The following HOXB4 variants were observed in gnomAD, a reference collection of about 807,000 sequenced individuals.
The protein encoded by HOXB4 is homeobox protein Hox-B4.
A neutral mutation model predicts 20.0 loss-of-function variants in HOXB4; 13 were observed. That is an observed-to-expected ratio of 0.65 (90% CI 0.42 to 1.03). The LOEUF (loss-of-function observed/expected upper bound fraction) is 1.03, where lower values mean the gene tolerates loss of function less well. Ranked by LOEUF, HOXB4 falls within the 50% of genes least tolerant of loss-of-function variation. HOXB4 has a pLI of 0.00. For missense variants in HOXB4, 343 were observed against 357.1 expected, an observed-to-expected ratio of 0.96 and a Z score of 0.32; for synonymous variants, 173 against 148.9, an observed-to-expected ratio of 1.16 and a Z score of -1.18.
In HOXB4 at chr17:48,577,015, G is replaced by C; in HGVS notation, c.463C>G (p.Pro155Ala). The change falls in exon 2 of 2, where the codon CCC becomes GCC. Residue 155 changes from proline (P) to alanine (A), a missense_variant. Coordinates refer to ENST00000332503, the MANE Select transcript of HOXB4 (RefSeq NM_024015.5). ...TTGGGCTCCCCGCCGGCGTAATTGGGGTTTACTGGACACACACGGAGAGAG... is the reference window on the plus strand; with the variant it reads ...TTGGGCTCCCCGCCGGCGTAATTGGCGTTTACTGGACACACACGGAGAGAG... Reference protein sequence around the residue: ...MRKVHVSTVNPNYAGGEPKRS... With the variant: ...MRKVHVSTVNANYAGGEPKRS... 6.2e-7 allele frequency: 1 copy of C among 1,601,196 alleles called. No homozygotes were observed. Among genetic ancestry groups the C allele is most frequent in the Non-Finnish European group, 8.5e-7 (1 of 1,172,672 alleles).
intron 1 of HOXB4, among the ~76,000 whole-genome samples, chr17:48,577,627 G>C (rs1052549077): frequency 6.6e-6 from 1 of 152,204 alleles, no homozygotes; most frequent in Admixed American, 6.5e-5. Flanking sequence ...TGGTGAGAAT[G>C]GTGAAGAGGA....
Position 48,578,113 on chromosome 17 carries a change from C to T in HOXB4, c.207G>A (p.Arg69=), listed in dbSNP as rs557616925. The part of the protein sequence containing the change: ...ACTVQRYAAC[R]DPGPPPPPPP... ...GCGGAGGCGGCGGGGGCCCAGGGTC[C>T]CGGCAGGCCGCGTAGCGCTGCACGG... The change falls in exon 1 of 2, where the codon CGG becomes CGA. Residue 69 remains arginine, a synonymous_variant. Coordinates refer to ENST00000332503, the MANE Select transcript of HOXB4 (RefSeq NM_024015.5). The T allele has an allele frequency of 2.4e-5, 32 of 1,314,656 alleles. No individual in the cohort carries two copies. In the East Asian group the frequency reaches 8.7e-4, roughly 36 times the overall value. 81.4% of individuals were successfully genotyped at this position (1,314,656 alleles called of 1,614,324 possible).
rs1232181020 is a variant in HOXB4 at position 48,576,717 on chromosome 17, G to A, written c.*5C>T. 1.9e-6 allele frequency: 3 copies of A among 1,593,178 alleles called. No homozygotes were observed. The highest frequency in any genetic ancestry group is 1.3e-5 in the African/African-American group (1 of 74,256). On this transcript the variant is annotated 3_prime_UTR_variant, in exon 2 of 2. Coordinates refer to ENST00000332503, the MANE Select transcript of HOXB4 (RefSeq NM_024015.5). ...CGAGGTTCGTGGCTCCCGCGTGCGG[G>A]GGCACTAGAGCGCGCGGGGGCCTCC...
At chr17:48,577,100 G>A in intron 1 of HOXB4, 80 bp from the exon 2 acceptor site, 6 of 1,369,342 alleles carry the variant, frequency 4.4e-6, no homozygotes, top group Non-Finnish European at 5.9e-6. Flanking sequence ...AGGGAACACA[G>A]CGTTTCCCTC....
chr17:48,576,839 C>T lies in HOXB4; in HGVS notation c.639G>A (p.Arg213=), dbSNP rs2069780761. Residue 213 remains arginine, a synonymous_variant, in exon 2 of 2, where the codon CGG becomes CGA. Coordinates refer to ENST00000332503, the MANE Select transcript of HOXB4 (RefSeq NM_024015.5). ...ERQIKIWFQN[R]RMKWKKDHKL... The stretch of plus-strand genomic sequence containing the variant: ...TGTGGTCTTTTTTCCACTTCATGCG[C>T]CGGTTCTGGAACCAGATCTTGATCT... The T allele has an allele frequency of 6.2e-7, 1 of 1,614,152 alleles. No homozygotes were observed. The highest frequency in any genetic ancestry group is 1.3e-5 in the African/African-American group (1 of 74,956).
rs1407441422 is a variant in HOXB4 at position 48,575,677 on chromosome 17, A to C, written c.*1045T>G. On this transcript the variant is annotated 3_prime_UTR_variant, in exon 2 of 2. Transcript: ENST00000332503. ...GAGGACTCACATGACACAAAAAAATAGTAATAATAATATTATCAATAATAA... is the reference window on the plus strand; with the variant it reads ...GAGGACTCACATGACACAAAAAAATCGTAATAATAATATTATCAATAATAA... 8 of 114,448 alleles carry C rather than the reference A, an allele frequency of 7.0e-5. No individual in the cohort carries two copies. Among genetic ancestry groups the C allele is most frequent in the African/African-American group, 3.5e-4 (8 of 22,672 alleles). 7.1% of individuals were successfully genotyped at this position (114,448 alleles called of 1,614,324 possible).
chr17:48,576,252 C>G lies in HOXB4; in HGVS notation c.*470G>C, dbSNP rs1452921058. On this transcript the variant is annotated 3_prime_UTR_variant, in exon 2 of 2. Coordinates refer to ENST00000332503, the MANE Select transcript of HOXB4 (RefSeq NM_024015.5). ...AGTAGCAGAGGCGGAGGCGGCCGAGCCGGGCCTCATTTGTTAGCGGGTGTC... is the reference window on the plus strand; with the variant it reads ...AGTAGCAGAGGCGGAGGCGGCCGAGGCGGGCCTCATTTGTTAGCGGGTGTC... 6.5e-6 allele frequency: 1 copy of G among 153,638 alleles called. No homozygotes were observed. The highest frequency in any genetic ancestry group is 1.5e-5 in the Non-Finnish European group (1 of 68,862). The allele number at this position is 153,638 out of a possible 1,614,324, so 9.5% of individuals were successfully genotyped here.
chr17:48,576,605 G>A lies in HOXB4; in HGVS notation c.*117C>T. 1 of 825,118 alleles carries A rather than the reference G, an allele frequency of 1.2e-6. No individual in the cohort carries two copies. Among genetic ancestry groups the A allele is most frequent in the Non-Finnish European group, 1.8e-6 (1 of 543,504 alleles). 51.1% of individuals were successfully genotyped at this position (825,118 alleles called of 1,614,324 possible). A position where few individuals can be genotyped will look rare whatever the true frequency, so the allele number is the denominator to read the frequency against. The stretch of plus-strand genomic sequence containing the variant: ...TATTCGTATATAAAGTGTGGGGGAG[G>A]GCAGATAGATTTTTCCGGGGCCCAG... On this transcript the variant is annotated 3_prime_UTR_variant, in exon 2 of 2. Transcript: ENST00000332503.
rs375867831 is a variant in HOXB4 at position 48,578,268 on chromosome 17, G to A, written c.52C>T (p.Pro18Ser). ...INSNYVDPKF[P>S]PCEEYSQSDY... Reference sequence around the variant, plus strand: ...CTCTGTGAATATTCCTCGCATGGAGGGAACTTGGGGTCGACATAGTTTGAG... The same window carrying A: ...CTCTGTGAATATTCCTCGCATGGAGAGAACTTGGGGTCGACATAGTTTGAG... The change falls in exon 1 of 2, where the codon CCT (proline) becomes TCT (serine). Residue 18 changes from proline (P) to serine (S), a missense_variant. By Grantham distance (74) the Pro-to-Ser change is moderately conservative. Around this residue, in one of 3 missense-constraint regions of HOXB4, gnomAD observed 241 missense variants for 222.0 expected, o/e 1.09. Coordinates refer to ENST00000332503, the MANE Select transcript of HOXB4 (RefSeq NM_024015.5). 4.3e-6 allele frequency: 7 copies of A among 1,613,738 alleles called. No homozygotes were observed. The African/African-American group carries it at 6.7e-5, about 15-fold the overall frequency.
chr17:48,575,711 G>A lies in HOXB4; in HGVS notation c.*1011C>T, dbSNP rs927148953. 6.9e-6 allele frequency: 1 copy of A among 145,628 alleles called. No individual in the cohort carries two copies. The highest frequency in any genetic ancestry group is 1.5e-5 in the Non-Finnish European group (1 of 67,348). 9.0% of individuals were successfully genotyped at this position (145,628 alleles called of 1,614,324 possible). A position where few individuals can be genotyped will look rare whatever the true frequency, so the allele number is the denominator to read the frequency against. ...AATATTATCAATAATAATAATAAAC[G>A]ATGCAACATAATAAACTATGGGAGA... On this transcript the variant is annotated 3_prime_UTR_variant, in exon 2 of 2. Transcript: ENST00000332503.
intron 1 of HOXB4, 122 bp downstream of exon 1, chr17:48,577,741 G>A (rs1178788634): frequency 2.3e-6 from 2 of 880,606 alleles, no homozygotes; most frequent in Non-Finnish European, 3.0e-6. Flanking sequence ...CTCCGGCAAT[G>A]GCGAGTTTAT....
chr17:48,576,963 T>C lies in HOXB4; in HGVS notation c.515A>G (p.Gln172Arg). ...TTCCTTCTCCAGCTCCAAGACCTGC[T>C]GGCGCGTGTAGGCGGTCCGAGAGCG... is the stretch of plus-strand genomic sequence containing the variant. The part of the protein sequence containing the change: ...PKRSRTAYTR[Q>R]QVLELEKEFH... Residue 172 changes from glutamine (Q) to arginine (R), a missense_variant, in exon 2 of 2, where the codon CAG (glutamine) becomes CGG (arginine). This residue lies in a region of HOXB4 where 54 missense variants were observed against 90.3 expected (regional missense o/e 0.60). Coordinates refer to ENST00000332503, the MANE Select transcript of HOXB4 (RefSeq NM_024015.5). 6.2e-7 allele frequency: 1 copy of C among 1,613,896 alleles called. No individual in the cohort carries two copies. Among genetic ancestry groups the C allele is most frequent in the Non-Finnish European group, 8.5e-7 (1 of 1,179,812 alleles).
chr17:48,577,726 TA>T (rs1350692211), intron 1 of HOXB4, 136 bp downstream of exon 1: 2 of 767,094 alleles, frequency 2.6e-6, no homozygotes, highest in Non-Finnish European at 3.6e-6. Flanking sequence ...CAGGCGACCG[TA>T]AATCTCCGGC....
At position 48,578,022 on chromosome 17, in the gene HOXB4, C is replaced by T. The variant is rs1295884195; in HGVS notation, c.298G>A (p.Gly100Arg). 1 of 989,098 alleles carries T rather than the reference C, an allele frequency of 1.0e-6. No homozygotes were observed. 61.3% of individuals were successfully genotyped at this position (989,098 alleles called of 1,614,324 possible). ...SPRAPAPPPA[G>R]ALLPEPGQRC... ...TGGCCGGGCTCCGGGAGGAGGGCCCCGGCGGGTGGCGGCGCAGGAGCCCGA... is the reference window on the plus strand; with the variant it reads ...TGGCCGGGCTCCGGGAGGAGGGCCCTGGCGGGTGGCGGCGCAGGAGCCCGA... Residue 100 changes from glycine (G) to arginine (R), a missense_variant, in exon 1 of 2, where the codon GGG becomes AGG. By Grantham distance (125) the Gly-to-Arg change is moderately radical. Around this residue, in one of 3 missense-constraint regions of HOXB4, gnomAD observed 241 missense variants for 222.0 expected, o/e 1.09. Coordinates refer to ENST00000332503, the MANE Select transcript of HOXB4 (RefSeq NM_024015.5).
chr17:48,577,459 G>T (rs570346733), intron 1 of HOXB4, among the ~76,000 whole-genome samples: 155 of 152,278 alleles, frequency 1.0e-3, no homozygotes, highest in African/African-American at 3.6e-3. Flanking sequence ...TCCAGCCAAG[G>T]AGTCAGACTG....
rs758264665 is a variant in HOXB4 at position 48,576,910 on chromosome 17, G to T, written c.568C>A (p.Arg190Ser). ...GCGTGGGCGATCTCCACCCTCCGGC[G>T]CCGTGTCAGGTAGCGGTTGTAGTGA... ...EFHYNRYLTR[R>S]RRVEIAHALC... The change falls in exon 2 of 2, where the codon CGC (arginine) becomes AGC (serine). Residue 190 changes from arginine to serine, a missense_variant. Arg to Ser is a moderately radical substitution (Grantham distance 110). Coordinates refer to ENST00000332503, the MANE Select transcript of HOXB4 (RefSeq NM_024015.5). 18 of 1,614,146 alleles carry T rather than the reference G, an allele frequency of 1.1e-5. No homozygotes were observed. In the South Asian group the frequency reaches 2.0e-4, roughly 18 times the overall value.
In HOXB4 at chr17:48,576,516, G is replaced by A; in HGVS notation, c.*206C>T. The A allele has an allele frequency of 2.5e-6, 1 of 406,688 alleles. No individual in the cohort carries two copies. The allele number at this position is 406,688 out of a possible 1,614,324, so 25.2% of individuals were successfully genotyped here. A position where few individuals can be genotyped will look rare whatever the true frequency, so the allele number is the denominator to read the frequency against. ...AGATTTGAATCTTGCTTCTGGGGGG[G>A]CCTCCCCGTGGCCCTCTATTGTCAT... is the stretch of plus-strand genomic sequence containing the variant. On this transcript the variant is annotated 3_prime_UTR_variant, in exon 2 of 2. Transcript: ENST00000332503.
chr17:48,577,256 G>C (rs975751996), intron 1 of HOXB4, among the ~76,000 whole-genome samples: 1 of 152,148 alleles, frequency 6.6e-6, no homozygotes, highest in Non-Finnish European at 1.5e-5. Context: ...GGTGGGGAAG[G>C]GGGGCGTGTG....
intron 1 of HOXB4, among the ~76,000 whole-genome samples, chr17:48,577,290 G>GCT (rs1413468914): frequency 6.6e-6 from 1 of 152,102 alleles, no homozygotes; most frequent in Non-Finnish European, 1.5e-5. Context: ...GGTTTTAATT[G>GCT]CTCCTCTCTC....
Sources: gnomAD v4.1 joint callset for allele counts (sites outside exome capture counted in the v4.1 genomes callset) on GRCh38, gnomAD v4.1.1 for gene constraint, gnomAD v4.1.1 regional missense constraint, MANE v1.5 for transcripts, NCBI Gene and HGNC (gene_info 2026-07-23, HGNC 2026-07-21) for gene names.